Variants in ANLN observed in about 807,000 individuals in gnomAD.
ANLN encodes the protein anillin, actin binding protein, also known as anillin.
ANLN carries 59 observed loss-of-function variants against 135.1 expected under a neutral mutation model. The ratio of observed to expected loss-of-function variants is 0.44; its 90% confidence interval spans 0.35 to 0.54. The LOEUF is 0.54. ANLN is among the 20% of genes least tolerant of loss of function. ANLN has a pLI of 0.00. For synonymous variants in ANLN, 406 were observed against 456.4 expected (o/e 0.89, Z 1.41); for missense variants, 1,182 against 1,340.0 (o/e 0.88, Z 1.84).
chr7:36,422,901 C>G, intron 14 of ANLN, 92 bp downstream of exon 14: 1 of 1,225,034 alleles, frequency 8.2e-7, no homozygotes, highest in Non-Finnish European at 1.1e-6. Context: ...TCATGCATAA[C>G]AATGCAAAGT....
At position 36,453,299 on chromosome 7, in the gene ANLN, T is replaced by A. The variant is rs540627847; in HGVS notation, c.*699T>A. 4.6e-5 allele frequency: 7 copies of A among 152,346 alleles called. No individual in the cohort carries two copies. In the East Asian group the frequency reaches 1.3e-3, roughly 29 times the overall value. 9.4% of individuals were successfully genotyped at this position (152,346 alleles called of 1,614,324 possible). On this transcript the variant is annotated 3_prime_UTR_variant, in exon 24 of 24. Transcript: ENST00000265748. ...ACATTTTCACAGAATTCTGGCTTCA[T>A]TAAGATCATTATTTTTGCTGCGTAG...
chr7:36,424,854 T>G, intron 17 of ANLN, 112 bp downstream of exon 17: 2 of 1,049,516 alleles, frequency 1.9e-6, no homozygotes, highest in Non-Finnish European at 2.8e-6. Flanking sequence ...TTGGATCAGT[T>G]TCATGTTCCA....
chr7:36,407,148 G>A lies in ANLN; in HGVS notation c.873+582G>A, dbSNP rs1225332927. Among the ~76,000 whole-genome samples the A allele has an allele frequency of 7.2e-5, 11 of 152,144 alleles. No individual in the cohort carries two copies. In the East Asian group the frequency reaches 1.9e-3, roughly 27 times the overall value. ...TCTTTTAGTGTAGAGCTAGGCTTTA[G>A]AATTAGACCTGCATTGAATCCCAGC... is the stretch of plus-strand genomic sequence containing the variant. On this transcript the variant is annotated intron_variant, in intron 4 of 23. Coordinates refer to ENST00000265748, the MANE Select transcript of ANLN (RefSeq NM_018685.5).
At chr7:36,443,206 G>T (rs571670636) in intron 21 of ANLN, among the ~76,000 whole-genome samples, 1 of 152,194 alleles carries the variant, frequency 6.6e-6, no homozygotes, top group African/African-American at 2.4e-5. Flanking sequence ...CACTTCAAGC[G>T]TGTCTCACGG....
intron 3 of ANLN, 90 bp from the exon 4 acceptor site, chr7:36,406,091 T>C (rs1252233171): frequency 1.6e-6 from 2 of 1,274,322 alleles, no homozygotes; most frequent in East Asian, 2.4e-5. Context: ...ATTAATCTCA[T>C]TTAAAAATTC....
Position 36,412,577 on chromosome 7 carries a change from C to T in ANLN, c.1395+1411C>T, listed in dbSNP as rs147846097. The stretch of plus-strand genomic sequence containing the variant: ...TCGTGACCTCAGGTGATCCGCCCGC[C>T]TCAGCCTCTCAAAGTGCAGGGATTA... On this transcript the variant is annotated intron_variant, in intron 7 of 23. Coordinates refer to ENST00000265748, the MANE Select transcript of ANLN (RefSeq NM_018685.5). 7.1e-3 allele frequency among the ~76,000 whole-genome samples: 1,081 copies of T among 152,164 alleles called. 19 individuals are homozygous for T. The highest frequency in any genetic ancestry group is 0.025 in the African/African-American group (1,029 of 41,516).
chr7:36,418,063 T>G (rs1325312082), intron 9 of ANLN, among the ~76,000 whole-genome samples: 2 of 152,178 alleles, frequency 1.3e-5, no homozygotes, highest in African/African-American at 4.8e-5. Context: ...CACAGAACTC[T>G]GGGAAATACT....
chr7:36,390,098 C>A (rs762200180), intron 1 of ANLN, 54 bp downstream of exon 1: 1 of 1,611,784 alleles, frequency 6.2e-7, no homozygotes, highest in South Asian at 1.1e-5. Flanking sequence ...AGGCCCCCAC[C>A]CACCTTCCTC....
chr7:36,395,618 A>G (rs1786660385), intron 1 of ANLN, among the ~76,000 whole-genome samples: 1 of 152,166 alleles, frequency 6.6e-6, no homozygotes, highest in East Asian at 1.9e-4. Flanking sequence ...TGCCTACCAT[A>G]GTGGCTTAAA....
At chr7:36,413,119 T>C (rs1236222251) in intron 7 of ANLN, among the ~76,000 whole-genome samples, 1 of 92,918 alleles carries the variant, frequency 1.1e-5, no homozygotes, top group South Asian at 5.5e-4. Context: ...CAAACTTGTA[T>C]TTGAAGGAAG....
chr7:36,403,742 C>T (rs1188887723), intron 3 of ANLN, among the ~76,000 whole-genome samples: 3 of 151,958 alleles, frequency 2.0e-5, no homozygotes, highest in Non-Finnish European at 4.4e-5. Flanking sequence ...TCCTCCACCT[C>T]CCAGGCTCTA....
chr7:36,422,866 A>G, intron 14 of ANLN, 57 bp downstream of exon 14: 2 of 1,469,712 alleles, frequency 1.4e-6, no homozygotes, highest in Non-Finnish European at 1.8e-6. Context: ...CCTAGATTGA[A>G]TTGTACAGAA....
intron 8 of ANLN, among the ~76,000 whole-genome samples, chr7:36,416,837 C>T (rs1196709101): frequency 6.6e-6 from 1 of 151,642 alleles, no homozygotes; most frequent in African/African-American, 2.4e-5. Context: ...TACTTATGTC[C>T]TCCTGCTCAA....
chr7:36,433,039 C>G (rs890188014), intron 20 of ANLN, among the ~76,000 whole-genome samples: 1 of 152,146 alleles, frequency 6.6e-6, no homozygotes, highest in Non-Finnish European at 1.5e-5. Context: ...TGGCCGTGAA[C>G]TCCTGGGCTC....
rs1466216686 is a variant in ANLN at position 36,422,751 on chromosome 7, G to C, written c.2418G>C (p.Leu806Phe). The C allele has an allele frequency of 4.3e-6, 7 of 1,613,452 alleles. No individual in the cohort carries two copies. The highest frequency in any genetic ancestry group is 5.9e-6 in the Non-Finnish European group (7 of 1,179,842). The change falls in exon 14 of 24, where the codon TTG becomes TTC. Residue 806 changes from leucine (L) to phenylalanine (F), a missense_variant. Coordinates refer to ENST00000265748, the MANE Select transcript of ANLN (RefSeq NM_018685.5). ...TGCCATCCAAAGGATCAGTTACTTT[G>C]TCAGAAATCCGCTTGCCTCTAAAAG... ...EFMPSKGSVTLSEIRLPLKAD... is the reference protein window; with the variant it reads ...EFMPSKGSVTFSEIRLPLKAD...
chr7:36,390,312 C>T (rs1020753424), intron 1 of ANLN: 3 of 532,516 alleles, frequency 5.6e-6, no homozygotes, highest in Non-Finnish European at 1.0e-5. Flanking sequence ...GGTCTTTCAG[C>T]CCCCGTTTTT....
intron 20 of ANLN, among the ~76,000 whole-genome samples, chr7:36,431,400 C>G (rs1326333361): frequency 6.6e-6 from 1 of 151,712 alleles, no homozygotes; most frequent in Non-Finnish European, 1.5e-5. Context: ...TTAGACTTAA[C>G]TAAGATTAAT....
chr7:36,397,643 T>TG (rs1786762132), intron 2 of ANLN, among the ~76,000 whole-genome samples: 1 of 152,220 alleles, frequency 6.6e-6, no homozygotes, highest in Non-Finnish European at 1.5e-5. Flanking sequence ...CCAAGTGTAG[T>TG]GGCTCACGCC....
Position 36,449,791 on chromosome 7 carries a change from C to T in ANLN, c.3205C>T (p.Arg1069Ter), listed in dbSNP as rs1337960308. The T allele has an allele frequency of 3.7e-6, 6 of 1,613,734 alleles. No individual in the cohort carries two copies. The highest frequency in any genetic ancestry group is 4.2e-6 in the Non-Finnish European group (5 of 1,179,890). ...TGTCCGACCACAAAGAGAAGATGAC[C>T]GAGAGACTCTTGTCAGCCAATGCAG... ...ITVRPQREDD[R>*]ETLVSQCRDT... is the part of the protein sequence containing the mutation. The change falls in exon 23 of 24, where the codon CGA (arginine) becomes TGA (stop). Residue 1069 changes from arginine to a stop codon, truncating the protein, a stop_gained. Transcript: ENST00000265748. LOFTEE classifies it high-confidence loss of function.
Sources: gnomAD v4.1 joint callset for allele counts (sites outside exome capture counted in the v4.1 genomes callset) on GRCh38, gnomAD v4.1.1 for gene constraint, MANE v1.5 for transcripts, NCBI Gene and HGNC (gene_info 2026-07-23, HGNC 2026-07-21) for gene names.